XKR4: variants seen among roughly 807,000 people sequenced by gnomAD.
XKR4 encodes the protein XK related 4.
In XKR4, 12 loss-of-function variants were observed where a neutral mutation model predicts 53.9. The observed-to-expected ratio is 0.22, with a 90% confidence interval of 0.14 to 0.36. XKR4 has a LOEUF of 0.36. Among genes scored for constraint, XKR4 ranks in the 10% least tolerant of loss-of-function variants. The probability of loss-of-function intolerance (pLI) is 1.00; values close to 1 mark genes in which losing one functional copy is unlikely to be tolerated. For missense variants in XKR4, 799 were observed against 859.5 expected (o/e 0.93, Z 0.88); for synonymous variants, 354 against 362.4 (o/e 0.98, Z 0.26).
intron 1 of XKR4, among the ~76,000 whole-genome samples, chr8:55,290,803 T>A (rs1819008212): frequency 6.6e-6 from 1 of 152,192 alleles, no homozygotes; most frequent in Non-Finnish European, 1.5e-5. Flanking sequence ...AAATATGTGG[T>A]TTTAAATATT....
chr8:55,430,536 G>T (rs140803785), intron 2 of XKR4, among the ~76,000 whole-genome samples: 1 of 152,222 alleles, frequency 6.6e-6, no homozygotes, highest in Non-Finnish European at 1.5e-5. Flanking sequence ...GGAGGGAGGT[G>T]TTGTGGCTGA....
chr8:55,103,340 C>CGGG, intron 1 of XKR4, 46 bp downstream of exon 1: 3 of 1,548,436 alleles, frequency 1.9e-6, no homozygotes, highest in Non-Finnish European at 2.6e-6. Context: ...GCTGCTACTA[C>CGGG]ATCCCCACTG....
In XKR4 at chr8:55,256,243, T is replaced by C. The variant is rs185866456; in HGVS notation, c.807-101435T>C. Among the ~76,000 whole-genome samples the C allele has an allele frequency of 3.6e-4, 55 of 152,218 alleles. 1 individual carries two copies. Among genetic ancestry groups the C allele is most frequent in the African/African-American group, 1.2e-3 (48 of 41,532 alleles). On this transcript the variant is annotated intron_variant, in intron 1 of 2. Transcript: ENST00000327381. The stretch of plus-strand genomic sequence containing the variant: ...AGGAAGTTGAGACTGAGGACTTGGG[T>C]CTTATGGATCTTATTGAAGAACTTG...
chr8:55,142,362 G>C (rs1181055201), intron 1 of XKR4: 1 of 350,594 alleles, frequency 2.9e-6, no homozygotes, highest in African/African-American at 2.1e-5. Flanking sequence ...CCTGATTAAC[G>C]GTCTGTCCTG....
intron 1 of XKR4, among the ~76,000 whole-genome samples, chr8:55,183,625 A>G (rs968279066): frequency 2.0e-5 from 3 of 152,126 alleles, no homozygotes; most frequent in Non-Finnish European, 2.9e-5. Context: ...TATTATTTTA[A>G]ATGTGTCAAG....
In XKR4 at chr8:55,250,739, T is replaced by A. The variant is rs2129369639; in HGVS notation, c.807-106939T>A. Reference sequence around the variant, plus strand: ...AAATGGAAAAAAATGTACTAGCAACTGTGAATGTCAATTTTAGAATGTTCA... The same window carrying A: ...AAATGGAAAAAAATGTACTAGCAACAGTGAATGTCAATTTTAGAATGTTCA... On this transcript the variant is annotated intron_variant, in intron 1 of 2. Transcript: ENST00000327381. Among the ~76,000 whole-genome samples, 3 of 152,344 alleles carry A rather than the reference T, an allele frequency of 2.0e-5. No homozygotes were observed. The South Asian group carries it at 6.2e-4, about 32-fold the overall frequency.
At chr8:55,252,132 G>T (rs1163297810) in intron 1 of XKR4, among the ~76,000 whole-genome samples, 1 of 152,170 alleles carries the variant, frequency 6.6e-6, no homozygotes, top group African/African-American at 2.4e-5. Context: ...TAAATTATGT[G>T]CATTTGTAGA....
intron 1 of XKR4, among the ~76,000 whole-genome samples, chr8:55,248,239 G>A (rs1226070077): frequency 6.6e-6 from 1 of 152,068 alleles, no homozygotes; most frequent in Non-Finnish European, 1.5e-5. Context: ...TCATCACAAG[G>A]AACCCAGTTT....
chr8:55,407,300 G>C (rs146127389), intron 2 of XKR4, among the ~76,000 whole-genome samples: 397 of 152,310 alleles, frequency 2.6e-3, no homozygotes, highest in Non-Finnish European at 4.7e-3. Context: ...GTGTGAAGCG[G>C]GGCTTTCGCA....
At chr8:55,270,965 A>G (rs1274548212) in intron 1 of XKR4, among the ~76,000 whole-genome samples, 1 of 152,170 alleles carries the variant, frequency 6.6e-6, no homozygotes, top group Non-Finnish European at 1.5e-5. Context: ...CATTGGCCAG[A>G]ACATCAACCT....
At chr8:55,512,505 C>T (rs1279338072) in intron 2 of XKR4, among the ~76,000 whole-genome samples, 2 of 152,302 alleles carry the variant, frequency 1.3e-5, no homozygotes, top group African/African-American at 2.4e-5. Flanking sequence ...CTGGACCAAG[C>T]CTTAGTACAC....
chr8:55,103,923 G>C (rs891758988), intron 1 of XKR4, among the ~76,000 whole-genome samples: 1 of 138,234 alleles, frequency 7.2e-6, no homozygotes, highest in African/African-American at 2.7e-5. Flanking sequence ...AAGCTTTATG[G>C]GGCCCAGATT....
At chr8:55,239,757 T>A (rs1818182256) in intron 1 of XKR4, among the ~76,000 whole-genome samples, 1 of 152,208 alleles carries the variant, frequency 6.6e-6, no homozygotes, top group East Asian at 1.9e-4. Context: ...TCTCTTGACA[T>A]CCCTTCTTCA....
intron 2 of XKR4, among the ~76,000 whole-genome samples, chr8:55,460,052 T>C (rs1054896535): frequency 1.4e-5 from 2 of 143,248 alleles, no homozygotes; most frequent in Non-Finnish European, 3.1e-5. Flanking sequence ...GGTGAATGCA[T>C]AAACAAAATA....
chr8:55,184,651 C>T (rs1433836436), intron 1 of XKR4, among the ~76,000 whole-genome samples: 1 of 152,140 alleles, frequency 6.6e-6, no homozygotes, highest in African/African-American at 2.4e-5. Flanking sequence ...CATCTCTGTG[C>T]CACGCTGGGT....
chr8:55,479,116 C>G (rs993708121), intron 2 of XKR4, among the ~76,000 whole-genome samples: 2 of 152,026 alleles, frequency 1.3e-5, no homozygotes, highest in African/African-American at 4.8e-5. Context: ...AGCACCACAC[C>G]ACACCTATTC....
chr8:55,525,639 T>A lies in XKR4; in HGVS notation c.*1412T>A, dbSNP rs983746379. The stretch of plus-strand genomic sequence containing the variant: ...TTCTCAGTGTCCTCGGTCATGGTGC[T>A]TTTCGTTGCATTAAAAGTGCCGGTC... On this transcript the variant is annotated 3_prime_UTR_variant, in exon 3 of 3. Transcript: ENST00000327381. The A allele has an allele frequency of 3.3e-5, 5 of 152,624 alleles. No individual in the cohort carries two copies. The highest frequency in any genetic ancestry group is 4.8e-5 in the African/African-American group (2 of 41,432). The allele number at this position is 152,624 out of a possible 1,614,324, so 9.5% of individuals were successfully genotyped here.
chr8:55,376,757 A>G (rs1229981000), intron 2 of XKR4, among the ~76,000 whole-genome samples: 5 of 152,164 alleles, frequency 3.3e-5, no homozygotes, highest in Non-Finnish European at 7.3e-5. Flanking sequence ...AGGATTCCTA[A>G]AACTGGTGGC....
At chr8:55,323,053 G>T (rs1640653435) in intron 1 of XKR4, among the ~76,000 whole-genome samples, 1 of 152,052 alleles carries the variant, frequency 6.6e-6, no homozygotes, top group Admixed American at 6.6e-5. Context: ...CCATATATTA[G>T]CTTAAGAAAT....
Sources: gnomAD v4.1 joint callset for allele counts (sites outside exome capture counted in the v4.1 genomes callset) on GRCh38, gnomAD v4.1.1 for gene constraint, MANE v1.5 for transcripts, NCBI Gene and HGNC (gene_info 2026-07-23, HGNC 2026-07-21) for gene names.